Variants in STK26 observed in about 807,000 individuals in gnomAD.
The protein encoded by STK26 is serine/threonine kinase 26.
A neutral mutation model predicts 34.7 loss-of-function variants in STK26; 14 were observed. That is an observed-to-expected ratio of 0.40 (90% CI 0.27 to 0.63). The LOEUF is 0.63. Among genes scored for constraint, STK26 ranks in the 30% least tolerant of loss-of-function variants. STK26 has a pLI of 0.38. For missense variants in STK26, 226 were observed against 309.1 expected (o/e 0.73, Z 2.02); for synonymous variants, 100 against 109.8 (o/e 0.91, Z 0.56).
At chrX:132,049,494 A>C (rs772726725) in intron 2 of STK26, among the ~76,000 whole-genome samples, 1 of 112,093 alleles carries the variant, frequency 8.9e-6, no homozygotes, top group African/African-American at 3.2e-5. Context: ...CTGTATATAC[A>C]TGGAAGTAAT....
At chrX:132,026,729 T>A (rs768618435) in intron 2 of STK26, among the ~76,000 whole-genome samples, 10 of 112,425 alleles carry the variant, frequency 8.9e-5, no homozygotes, top group Admixed American at 6.6e-4. Context: ...TGAGTTAGAG[T>A]ACTAAATGTT....
chrX:132,053,072 C>T (rs1453161503), intron 2 of STK26, among the ~76,000 whole-genome samples: 1 of 111,640 alleles, frequency 9.0e-6, no homozygotes, highest in Admixed American at 9.5e-5. Flanking sequence ...TGATGGCACT[C>T]AAGTTTTTGA....
chrX:132,060,605 GTTTTGTTT>G (rs1207386248), intron 3 of STK26, among the ~76,000 whole-genome samples: 2 of 105,265 alleles, frequency 1.9e-5, no homozygotes, highest in Non-Finnish European at 3.9e-5. Context: ...TTTTTTTTTT[GTTTTGTTT>G]TTTTGTTTTG....
intron 2 of STK26, among the ~76,000 whole-genome samples, chrX:132,031,005 C>T (rs771097972): frequency 3.0e-4 from 33 of 111,006 alleles, no homozygotes; most frequent in Non-Finnish European, 4.7e-4. Context: ...GGCACAATCA[C>T]AGTTTACTGC....
intron 2 of STK26, among the ~76,000 whole-genome samples, chrX:132,024,204 G>A (rs1935048699): frequency 9.0e-6 from 1 of 111,285 alleles, no homozygotes; most frequent in African/African-American, 3.3e-5. Flanking sequence ...CAAAGTTGTA[G>A]CTTGCTCCCC....
chrX:132,023,326 A>G lies in STK26; in HGVS notation c.-192A>G, dbSNP rs762145557. The stretch of plus-strand genomic sequence containing the variant: ...CATCACTCGAGCCCAGGTCCCAGCC[A>G]CCACCACTCACAGCGCTCGGCGTTC... On this transcript the variant is annotated 5_prime_UTR_variant, in exon 1 of 12. Coordinates refer to ENST00000394334, the MANE Select transcript of STK26 (RefSeq NM_016542.4). 15 of 478,333 alleles carry G rather than the reference A, an allele frequency of 3.1e-5. No homozygotes were observed. The highest frequency in any genetic ancestry group is 5.0e-5 in the Non-Finnish European group (13 of 260,484). The allele number at this position is 478,333 out of a possible 1,213,427, so 39.4% of individuals were successfully genotyped here. A position where few individuals can be genotyped will look rare whatever the true frequency, so the allele number is the denominator to read the frequency against.
At chrX:132,035,294 C>T (rs1364799859) in intron 2 of STK26, among the ~76,000 whole-genome samples, 2 of 111,284 alleles carry the variant, frequency 1.8e-5, no homozygotes, top group Non-Finnish European at 3.8e-5. Context: ...TCACCCATGA[C>T]TTCTGTTTTC....
chrX:132,043,531 A>G (rs1926338519), intron 2 of STK26, among the ~76,000 whole-genome samples: 3 of 111,818 alleles, frequency 2.7e-5, no homozygotes, highest in Admixed American at 1.9e-4. Context: ...GGCCATATTT[A>G]TGTAACCTCC....
intron 2 of STK26, among the ~76,000 whole-genome samples, chrX:132,048,233 C>T (rs1274802096): frequency 9.0e-6 from 1 of 111,421 alleles, no homozygotes; most frequent in Non-Finnish European, 1.9e-5. Context: ...TAAATACATA[C>T]AATTTTGTCA....
At chrX:132,062,888 A>G (rs1285445306) in intron 3 of STK26, among the ~76,000 whole-genome samples, 3 of 112,079 alleles carry the variant, frequency 2.7e-5, no homozygotes, top group African/African-American at 9.7e-5. Flanking sequence ...GGAATGTTCT[A>G]TGGAAAAAAT....
chrX:132,054,644 A>G lies in STK26; in HGVS notation c.56A>G (p.Asp19Gly), dbSNP rs779501452. 6.6e-6 allele frequency: 8 copies of G among 1,209,687 alleles called. No homozygotes were observed. The highest frequency in any genetic ancestry group is 5.9e-5 in the East Asian group (2 of 33,821). ...CACTCCCTTCAGAATAACATAGCTG[A>G]TCCAGAAGAACTGTTCACAAAATTA... is the stretch of plus-strand genomic sequence containing the variant. The part of the protein sequence containing the change: ...QVPGMQNNIA[D>G]PEELFTKLER... Residue 19 changes from aspartate to glycine, a missense_variant, in exon 3 of 12, where the codon GAT becomes GGT. Asp to Gly is a moderately conservative substitution (Grantham distance 94). Coordinates refer to ENST00000394334, the MANE Select transcript of STK26 (RefSeq NM_016542.4).
chrX:132,057,070 T>G (rs769270527), intron 3 of STK26, among the ~76,000 whole-genome samples: 2 of 112,216 alleles, frequency 1.8e-5, no homozygotes, highest in South Asian at 7.5e-4. Flanking sequence ...GTGGCTCCAA[T>G]GTCTGAGGTA....
In STK26 at chrX:132,054,843, C is replaced by T. The variant is rs150155667; in HGVS notation, c.255C>T (p.Tyr85=). The stretch of plus-strand genomic sequence containing the variant: ...GTGACAGCTCATATGTAACAAAATA[C>T]TATGGGTCATATTTAAAGGTAATGT... ...SQCDSSYVTK[Y]YGSYLKGSKL... Residue 85 remains tyrosine, a synonymous_variant, in exon 3 of 12, where the codon TAC becomes TAT. Transcript: ENST00000394334. The T allele has an allele frequency of 4.2e-6, 5 of 1,195,793 alleles. No homozygotes were observed. The African/African-American group carries it at 5.3e-5, about 13-fold the overall frequency.
chrX:132,029,234 T>C (rs1569325592), intron 2 of STK26, among the ~76,000 whole-genome samples: 1 of 112,061 alleles, frequency 8.9e-6, no homozygotes, highest in African/African-American at 3.3e-5. Flanking sequence ...GAGAATATAA[T>C]TTAGCTGGTA....
At chrX:132,058,675 A>G (rs1926944660) in intron 3 of STK26, among the ~76,000 whole-genome samples, 2 of 111,253 alleles carry the variant, frequency 1.8e-5, no homozygotes, top group African/African-American at 6.5e-5. Flanking sequence ...GTTTGTCCCA[A>G]ATTTTGATTG....
intron 2 of STK26, among the ~76,000 whole-genome samples, chrX:132,027,688 TGCCAG>T (rs1202003900): frequency 9.0e-6 from 1 of 111,190 alleles, no homozygotes; most frequent in Non-Finnish European, 1.9e-5. Flanking sequence ...TGTCCTTAAA[TGCCAG>T]GGAAGGATTT....
chrX:132,042,081 G>A (rs932747751), intron 2 of STK26, among the ~76,000 whole-genome samples: 2 of 111,202 alleles, frequency 1.8e-5, no homozygotes, highest in Non-Finnish European at 3.8e-5. Flanking sequence ...AGATCAATGG[G>A]TGTAAAAACG....
At chrX:132,063,584 C>G in intron 4 of STK26, 95 bp downstream of exon 4, 1 of 793,887 alleles carries the variant, frequency 1.3e-6, no homozygotes, top group Non-Finnish European at 1.8e-6. Flanking sequence ...TTTGAGCACG[C>G]TAAGTGGTTG....
rs1382006668 is a variant in STK26 at position 132,054,871 on chromosome X, G to A, written c.273+10G>A. The A allele has an allele frequency of 8.7e-7, 1 of 1,146,360 alleles. No individual in the cohort carries two copies. Among genetic ancestry groups the A allele is most frequent in the African/African-American group, 1.8e-5 (1 of 55,672 alleles). The allele number at this position is 1,146,360 out of a possible 1,213,427, so 94.5% of individuals were successfully genotyped here. On this transcript the variant is annotated intron_variant, in intron 3 of 11. Coordinates refer to ENST00000394334, the MANE Select transcript of STK26 (RefSeq NM_016542.4). ...TGGGTCATATTTAAAGGTAATGTGTGTGCTGTATTATTTAAGTCATAAGGT... is the reference window on the plus strand; with the variant it reads ...TGGGTCATATTTAAAGGTAATGTGTATGCTGTATTATTTAAGTCATAAGGT...
Sources: gnomAD v4.1 joint callset for allele counts (sites outside exome capture counted in the v4.1 genomes callset) on GRCh38, gnomAD v4.1.1 for gene constraint, MANE v1.5 for transcripts, NCBI Gene and HGNC (gene_info 2026-07-23, HGNC 2026-07-21) for gene names.